The following PDE6C variants were observed in gnomAD, a reference collection of about 807,000 sequenced individuals.
PDE6C encodes phosphodiesterase 6C, also known as cone cGMP-specific 3',5'-cyclic phosphodiesterase subunit alpha'.
Under a neutral mutation model 113.1 loss-of-function variants are expected in PDE6C, and 75 were observed. The observed-to-expected ratio is 0.66, with a 90% CI of 0.55 to 0.80. PDE6C has a LOEUF of 0.80. Ranked by LOEUF, PDE6C falls within the 30% of genes least tolerant of loss-of-function variation. PDE6C has a pLI of 0.00. For synonymous variants in PDE6C, 375 were observed against 363.7 expected, an observed-to-expected ratio of 1.03 and a Z score of -0.35; for missense variants, 912 against 1,038.6, an observed-to-expected ratio of 0.88 and a Z score of 1.67.
At chr10:93,618,942 A>G (rs2058432801) in intron 1 of PDE6C, among the ~76,000 whole-genome samples, 2 of 152,214 alleles carry the variant, frequency 1.3e-5, no homozygotes, top group African/African-American at 4.8e-5. Context: ...CTGCCAACAC[A>G]GGGAAATGAA....
intron 10 of PDE6C, among the ~76,000 whole-genome samples, chr10:93,636,167 T>A (rs1348075665): frequency 6.6e-6 from 1 of 152,196 alleles, no homozygotes; most frequent in African/African-American, 2.4e-5. Context: ...AGAGCAAACC[T>A]AACTGTGCAG....
At position 93,665,509 on chromosome 10, in the gene PDE6C, A is replaced by G; in HGVS notation, c.*91A>G. On this transcript the variant is annotated 3_prime_UTR_variant, in exon 22 of 22. Coordinates refer to ENST00000371447, the MANE Select transcript of PDE6C (RefSeq NM_006204.4). Reference sequence around the variant, plus strand: ...AAGAACTTCAACAAATCATCACGTAACAGGATCTTCAGAAAAACTACCCTG... The same window carrying G: ...AAGAACTTCAACAAATCATCACGTAGCAGGATCTTCAGAAAAACTACCCTG... 1 of 883,314 alleles carries G rather than the reference A, an allele frequency of 1.1e-6. No homozygotes were observed. Among genetic ancestry groups the G allele is most frequent in the Non-Finnish European group, 1.9e-6 (1 of 525,820 alleles). The allele number at this position is 883,314 out of a possible 1,614,324, so 54.7% of individuals were successfully genotyped here.
intron 1 of PDE6C, among the ~76,000 whole-genome samples, chr10:93,616,845 G>C (rs914325854): frequency 1.3e-5 from 2 of 152,022 alleles, no homozygotes; most frequent in East Asian, 1.9e-4. Context: ...GTAGAGACAG[G>C]GTTTCACCAT....
At chr10:93,649,146 G>A (rs925016116) in intron 15 of PDE6C, among the ~76,000 whole-genome samples, 4 of 152,122 alleles carry the variant, frequency 2.6e-5, no homozygotes, top group Non-Finnish European at 5.9e-5. Context: ...TTAATAGTCA[G>A]GGAAAATAAA....
intron 15 of PDE6C, 89 bp from the exon 16 acceptor site, chr10:93,655,671 A>G: frequency 2.7e-6 from 2 of 748,614 alleles, no homozygotes; most frequent in East Asian, 2.5e-5. Context: ...GTGTTGAAAG[A>G]CTTTTAGATT....
intron 14 of PDE6C, among the ~76,000 whole-genome samples, chr10:93,644,813 T>C (rs1325688228): frequency 2.0e-5 from 3 of 147,140 alleles, no homozygotes; most frequent in Admixed American, 1.4e-4. Flanking sequence ...ATATAGTATG[T>C]ATATAGTACT....
rs1056656357 is a variant in PDE6C, at chr10:93,665,776, C to T, written c.*358C>T. ...TGCTTAACCAATAGAAATGTATTTT[C>T]TCAAAGTCCTGGGGGCTGGAAGTTC... On this transcript the variant is annotated 3_prime_UTR_variant, in exon 22 of 22. Transcript: ENST00000371447. 1.0e-5 allele frequency: 3 copies of T among 286,322 alleles called. No individual in the cohort carries two copies. Among genetic ancestry groups the T allele is most frequent in the African/African-American group, 6.8e-5 (3 of 43,860 alleles). 17.7% of individuals were successfully genotyped at this position (286,322 alleles called of 1,614,324 possible). A position where few individuals can be genotyped will look rare whatever the true frequency, so the allele number is the denominator to read the frequency against.
At chr10:93,631,575 C>T (rs1032523558) in intron 8 of PDE6C, among the ~76,000 whole-genome samples, 1 of 151,920 alleles carries the variant, frequency 6.6e-6, no homozygotes, top group African/African-American at 2.4e-5. Context: ...TGATGTCTCT[C>T]TCAGCACCCC....
chr10:93,654,449 T>C (rs889855162), intron 15 of PDE6C, among the ~76,000 whole-genome samples: 7 of 152,168 alleles, frequency 4.6e-5, no homozygotes, highest in Non-Finnish European at 7.3e-5. Flanking sequence ...TGGGGTCTGT[T>C]GTGAAGAGAT....
chr10:93,626,967 A>C, intron 7 of PDE6C, 96 bp downstream of exon 7: 1 of 1,161,798 alleles, frequency 8.6e-7, no homozygotes, highest in Non-Finnish European at 1.3e-6. Context: ...AATGCATCCA[A>C]TAAAAGCTAG....
chr10:93,657,038 C>T (rs1237621929), intron 16 of PDE6C, among the ~76,000 whole-genome samples: 1 of 152,150 alleles, frequency 6.6e-6, no homozygotes, highest in Non-Finnish European at 1.5e-5. Flanking sequence ...AGGTATTCCA[C>T]CCCTACTCCA....
intron 5 of PDE6C, 151 bp downstream of exon 5, chr10:93,625,800 C>A (rs1240391716): frequency 3.0e-5 from 20 of 677,078 alleles, no homozygotes; most frequent in Non-Finnish European, 5.4e-5. Context: ...CCCAGCTATG[C>A]CCCAAGCTAG....
intron 14 of PDE6C, among the ~76,000 whole-genome samples, chr10:93,642,987 C>T (rs1174037709): frequency 2.0e-5 from 3 of 152,144 alleles, no homozygotes; most frequent in Non-Finnish European, 4.4e-5. Flanking sequence ...AAGTCCTCGT[C>T]CTCCTTCTTG....
At chr10:93,655,925 ATC>A (rs1469403076) in intron 16 of PDE6C, 65 bp downstream of exon 16, 1 of 844,430 alleles carries the variant, frequency 1.2e-6, no homozygotes, top group Admixed American at 1.7e-5. Context: ...TCCATAAATT[ATC>A]TGTTGCATTA....
intron 4 of PDE6C, 66 bp downstream of exon 4, chr10:93,622,138 G>A: frequency 6.9e-7 from 1 of 1,457,630 alleles, no homozygotes; most frequent in Admixed American, 1.7e-5. Context: ...CACAGGAAAT[G>A]TGATCCTTAA....
chr10:93,614,341 C>T (rs2058409665), intron 1 of PDE6C, among the ~76,000 whole-genome samples: 1 of 152,164 alleles, frequency 6.6e-6, no homozygotes, highest in African/African-American at 2.4e-5. Context: ...CTGCAAACAA[C>T]CACAGAACAC....
intron 10 of PDE6C, 76 bp downstream of exon 10, chr10:93,635,716 G>C (rs568067326): frequency 6.8e-7 from 1 of 1,480,350 alleles, no homozygotes; most frequent in African/African-American, 1.4e-5. Flanking sequence ...AATTACCCAG[G>C]GGTCTGACAA....
At chr10:93,653,683 A>AAAAACAAAAAC (rs1564804396) in intron 15 of PDE6C, among the ~76,000 whole-genome samples, 3 of 147,398 alleles carry the variant, frequency 2.0e-5, no homozygotes, top group African/African-American at 8.1e-5. Context: ...AAAACAAAAA[A>AAAAACAAAAAC]AAACATTGAT....
intron 18 of PDE6C, 86 bp from the exon 19 acceptor site, chr10:93,661,973 C>T (rs2058667940): frequency 2.4e-6 from 2 of 847,672 alleles, no homozygotes; most frequent in Admixed American, 1.7e-5. Context: ...ACTGTAAACT[C>T]GATCCTTAAA....
Sources: gnomAD v4.1 joint callset for allele counts (sites outside exome capture counted in the v4.1 genomes callset) on GRCh38, gnomAD v4.1.1 for gene constraint, MANE v1.5 for transcripts, NCBI Gene and HGNC (gene_info 2026-07-23, HGNC 2026-07-21) for gene names.